Variants in ITGB5 observed in about 807,000 individuals in gnomAD.
The protein encoded by ITGB5 is integrin subunit beta 5.
In ITGB5, 38 loss-of-function variants were observed where a neutral mutation model predicts 84.8. The ratio of observed to expected loss-of-function variants is 0.45; its 90% confidence interval spans 0.35 to 0.59. The LOEUF is 0.59. ITGB5 is among the 20% of genes least tolerant of loss of function. The pLI is 0.01. For synonymous variants in ITGB5, 393 were observed against 414.4 expected (o/e 0.95, Z 0.63); for missense variants, 905 against 1,034.5 (o/e 0.87, Z 1.72).
At chr3:124,898,498 G>C (rs181569496) in intron 1 of ITGB5, among the ~76,000 whole-genome samples, 1 of 151,312 alleles carries the variant, frequency 6.6e-6, no homozygotes, top group African/African-American at 2.4e-5. Flanking sequence ...AAAAAAAATA[G>C]CCAGGCGTGG....
intron 12 of ITGB5, among the ~76,000 whole-genome samples, chr3:124,768,274 C>T (rs932413900): frequency 2.6e-5 from 4 of 152,174 alleles, no homozygotes; most frequent in African/African-American, 9.7e-5. Flanking sequence ...CATAATTTCC[C>T]CCTCACCATT....
At chr3:124,852,429 C>A (rs1210665009) in intron 3 of ITGB5, among the ~76,000 whole-genome samples, 1 of 151,908 alleles carries the variant, frequency 6.6e-6, no homozygotes, top group African/African-American at 2.4e-5. Flanking sequence ...AGGCAGCCCC[C>A]CTCATGTCCT....
At chr3:124,827,997 G>A (rs1043844280) in intron 5 of ITGB5, among the ~76,000 whole-genome samples, 2 of 118,938 alleles carry the variant, frequency 1.7e-5, no homozygotes, top group African/African-American at 7.9e-5. Context: ...CGCCCCCGCC[G>A]CCAGCTCCCT....
At position 124,809,155 on chromosome 3, in the gene ITGB5, C is replaced by A. The variant is rs749487773; in HGVS notation, c.1130G>T (p.Ser377Ile). The A allele has an allele frequency of 1.2e-6, 2 of 1,614,010 alleles. No individual in the cohort carries two copies. Among genetic ancestry groups the A allele is most frequent in the South Asian group, 2.2e-5 (2 of 91,048 alleles). The stretch of plus-strand genomic sequence containing the variant: ...TGACAACTCCACTTTAGACCGGATA[C>A]TCTGAATGGAGAGAGAAAATGAAGC... The part of the protein sequence containing the change: ...IIQLIINAYN[S>I]IRSKVELSVW... The change falls in exon 9 of 15, where the codon AGT (serine) becomes ATT (isoleucine). Residue 377 changes from serine to isoleucine, a missense_variant and splice_region_variant. Ser to Ile is a moderately radical substitution (Grantham distance 142). Coordinates refer to ENST00000296181, the MANE Select transcript of ITGB5 (RefSeq NM_002213.5).
chr3:124,798,722 G>A (rs992431375), intron 9 of ITGB5, among the ~76,000 whole-genome samples: 8 of 152,178 alleles, frequency 5.3e-5, no homozygotes, highest in Non-Finnish European at 1.2e-4. Flanking sequence ...CACTGCGCCC[G>A]GCCCACGATG....
chr3:124,892,665 A>G (rs1376033861), upstream of ITGB5, among the ~76,000 whole-genome samples: 3 of 146,634 alleles, frequency 2.0e-5, no homozygotes, highest in Non-Finnish European at 3.0e-5. Flanking sequence ...ATTGCACTCC[A>G]GCCTGGGTGA....
At chr3:124,840,785 T>C (rs1312767441) in intron 5 of ITGB5, among the ~76,000 whole-genome samples, 2 of 151,962 alleles carry the variant, frequency 1.3e-5, no homozygotes, top group South Asian at 2.1e-4. Context: ...TGCCTCAGCC[T>C]CCCGAGTAGC....
intron 6 of ITGB5, 133 bp downstream of exon 6, chr3:124,821,180 C>T: frequency 1.0e-6 from 1 of 978,098 alleles, no homozygotes; most frequent in East Asian, 2.6e-5. Context: ...TGAAACCCAA[C>T]CCCAAGAAGG....
At chr3:124,870,798 T>C (rs1933984484) in intron 2 of ITGB5, among the ~76,000 whole-genome samples, 4 of 149,244 alleles carry the variant, frequency 2.7e-5, no homozygotes, top group South Asian at 4.2e-4. Context: ...CACAGATAAA[T>C]AGACAGATGG....
intron 5 of ITGB5, among the ~76,000 whole-genome samples, chr3:124,823,367 C>A (rs1028280616): frequency 6.6e-6 from 1 of 151,910 alleles, no homozygotes. Flanking sequence ...AGTGGGCATT[C>A]TAGGCGCTAA....
chr3:124,873,638 G>C, intron 1 of ITGB5, 107 bp from the exon 2 acceptor site: 1 of 846,626 alleles, frequency 1.2e-6, no homozygotes, highest in South Asian at 1.4e-5. Flanking sequence ...AGGCCTCTCT[G>C]AGTCTAAAGG....
At chr3:124,844,818 A>C (rs1204107055) in intron 4 of ITGB5, among the ~76,000 whole-genome samples, 3 of 152,236 alleles carry the variant, frequency 2.0e-5, no homozygotes, top group Admixed American at 2.0e-4. Flanking sequence ...CTGACCATCT[A>C]CCATGAATGA....
intron 10 of ITGB5, chr3:124,791,874 G>A (rs1202388658): frequency 6.6e-6 from 1 of 152,166 alleles, no homozygotes; most frequent in East Asian, 1.9e-4. Context: ...AGGTGCCAAG[G>A]ACCCAGGGAC....
chr3:124,771,976 T>G (rs1162982315), intron 11 of ITGB5, among the ~76,000 whole-genome samples: 1 of 152,144 alleles, frequency 6.6e-6, no homozygotes, highest in Non-Finnish European at 1.5e-5. Flanking sequence ...TTTGATGAGC[T>G]CCATGTGTAT....
chr3:124,796,305 T>G, intron 10 of ITGB5, 83 bp downstream of exon 10: 1 of 1,266,106 alleles, frequency 7.9e-7, no homozygotes, highest in African/African-American at 1.5e-5. Context: ...CTACCACCAC[T>G]GAGTAAAAGG....
rs543986430 is a variant in ITGB5 at position 124,801,536 on chromosome 3, G to A, written c.1264-4719C>T. ...CAGGAAGCTGTGATAATGAGGAGGC[G>A]AGGTCCATCTGGCTGCCCCTCATAC... On this transcript the variant is annotated intron_variant, in intron 9 of 14. Coordinates refer to ENST00000296181, the MANE Select transcript of ITGB5 (RefSeq NM_002213.5). Among the ~76,000 whole-genome samples, 139 of 152,232 alleles carry A rather than the reference G, an allele frequency of 9.1e-4. 1 individual carries two copies. The highest frequency in any genetic ancestry group is 3.2e-3 in the African/African-American group (131 of 41,552).
intron 9 of ITGB5, among the ~76,000 whole-genome samples, chr3:124,803,809 C>T (rs1391040760): frequency 6.6e-6 from 1 of 152,190 alleles, no homozygotes; most frequent in Non-Finnish European, 1.5e-5. Flanking sequence ...GAATCGTGGG[C>T]ACCAAGAAGC....
At position 124,762,118 on chromosome 3, in the gene ITGB5, A is replaced by G. The variant is rs2063705790; in HGVS notation, c.*1505T>C. 6.6e-6 allele frequency: 1 copy of G among 152,224 alleles called. No homozygotes were observed. The highest frequency in any genetic ancestry group is 1.5e-5 in the Non-Finnish European group (1 of 68,042). 9.4% of individuals were successfully genotyped at this position (152,224 alleles called of 1,614,324 possible). ...ATTTACACAAGATGAAGGAAACTCA[A>G]TCTGTTCGTATTTGCCCCAGGTAAT... is the stretch of plus-strand genomic sequence containing the variant. On this transcript the variant is annotated 3_prime_UTR_variant, in exon 15 of 15. Coordinates refer to ENST00000296181, the MANE Select transcript of ITGB5 (RefSeq NM_002213.5).
rs34328696 is a variant in ITGB5 at position 124,773,905 on chromosome 3, G to A, written c.1701C>T (p.Gly567=). 7.7e-4 allele frequency: 1,247 copies of A among 1,614,060 alleles called. 7 individuals are homozygous for A. The highest frequency in any genetic ancestry group is 1.9e-3 in the South Asian group (175 of 91,088). ...RNKGVLCSGH[G]ECHCGECKCH... is the part of the protein sequence containing the mutation. Reference sequence around the variant, plus strand: ...ACTTGCATTCCCCGCAGTGACACTCGCCATGGCCTAAAAGGATACATGTGG... The same window carrying A: ...ACTTGCATTCCCCGCAGTGACACTCACCATGGCCTAAAAGGATACATGTGG... The change falls in exon 11 of 15, where the codon GGC becomes GGT. Residue 567 remains glycine, a synonymous_variant. Coordinates refer to ENST00000296181, the MANE Select transcript of ITGB5 (RefSeq NM_002213.5).
Sources: allele counts gnomAD v4.1 joint callset (sites outside exome capture counted in the v4.1 genomes callset), GRCh38; gene constraint gnomAD v4.1.1; transcripts MANE v1.5; gene names NCBI Gene and HGNC (gene_info 2026-07-23, HGNC 2026-07-21).